Variants in SLC9A1 observed in about 807,000 individuals in gnomAD.
The protein encoded by SLC9A1 is solute carrier family 9 member A1.
Under a neutral mutation model 67.9 loss-of-function variants are expected in SLC9A1, and 22 were observed. That is an observed-to-expected ratio of 0.32 (90% CI 0.23 to 0.46). The LOEUF (loss-of-function observed/expected upper bound fraction) is 0.46, where lower values mean the gene tolerates loss of function less well. Ranked by LOEUF, SLC9A1 falls within the 20% of genes least tolerant of loss-of-function variation. SLC9A1 has a pLI of 1.00. For synonymous variants in SLC9A1, 421 were observed against 471.8 expected (o/e 0.89, Z 1.40); for missense variants, 686 against 1,094.8 (o/e 0.63, Z 5.27).
chr1:27,139,299 T>C (rs1324448912), intron 1 of SLC9A1, among the ~76,000 whole-genome samples: 1 of 152,180 alleles, frequency 6.6e-6, no homozygotes, highest in African/African-American at 2.4e-5. Context: ...CTCTGCTCCA[T>C]GTTCATTCCA....
At chr1:27,145,721 A>G (rs529285735) in intron 1 of SLC9A1, among the ~76,000 whole-genome samples, 4 of 152,290 alleles carry the variant, frequency 2.6e-5, no homozygotes, top group African/African-American at 9.6e-5. Context: ...GCTTAAGGAC[A>G]TATCTTTTCA....
chr1:27,139,848 A>C (rs1380670509), intron 1 of SLC9A1, among the ~76,000 whole-genome samples: 1 of 149,846 alleles, frequency 6.7e-6, no homozygotes, highest in Non-Finnish European at 1.5e-5. Flanking sequence ...GCTAGAGTGC[A>C]GTGAGGCGAT....
intron 1 of SLC9A1, among the ~76,000 whole-genome samples, chr1:27,125,839 C>A (rs1474591387): frequency 1.3e-5 from 2 of 152,056 alleles, no homozygotes; most frequent in Admixed American, 1.3e-4. Flanking sequence ...GATCCGCCCA[C>A]CTCAGCCTCC....
intron 1 of SLC9A1, among the ~76,000 whole-genome samples, chr1:27,119,779 G>A (rs1455637883): frequency 6.6e-6 from 1 of 152,158 alleles, no homozygotes; most frequent in East Asian, 1.9e-4. Flanking sequence ...ATTATCCCTG[G>A]CTTTATTCTT....
intron 1 of SLC9A1, among the ~76,000 whole-genome samples, chr1:27,147,796 A>C (rs944122572): frequency 5.3e-5 from 8 of 152,184 alleles, no homozygotes; most frequent in Admixed American, 2.0e-4. Context: ...GGAGTTCAAG[A>C]CAAGCCTGAC....
chr1:27,135,737 A>G (rs2083416623), intron 1 of SLC9A1, among the ~76,000 whole-genome samples: 1 of 152,204 alleles, frequency 6.6e-6, no homozygotes, highest in Non-Finnish European at 1.5e-5. Flanking sequence ...GAGTGAGCCA[A>G]CTGTGGTGTA....
In SLC9A1 at chr1:27,154,120, C is replaced by T. The variant is rs774339074; in HGVS notation, c.215G>A (p.Arg72His). 4.3e-6 allele frequency: 7 copies of T among 1,614,062 alleles called. No homozygotes were observed. The Admixed American group carries it at 1.0e-4, about 23-fold the overall frequency. ...TAPPEVTPES[R>H]PVNHSVTDHG... ...ATCAGTGACGGAATGATTAACAGGGCGGCTCTCTGGGGTGACCTCCGGTGG... is the reference window on the plus strand; with the variant it reads ...ATCAGTGACGGAATGATTAACAGGGTGGCTCTCTGGGGTGACCTCCGGTGG... The change falls in exon 1 of 12, where the codon CGC becomes CAC. Residue 72 changes from arginine (R) to histidine (H), a missense_variant. Arg to His is a conservative substitution (Grantham distance 29, BLOSUM62 0). Coordinates refer to ENST00000263980, the MANE Select transcript of SLC9A1 (RefSeq NM_003047.5).
chr1:27,105,859 G>A (rs961790069), intron 5 of SLC9A1, 26 bp downstream of exon 5: 1 of 1,605,094 alleles, frequency 6.2e-7, no homozygotes, highest in African/African-American at 1.3e-5. Flanking sequence ...CCCAAGGCAA[G>A]GGCCTGCCCT....
At chr1:27,115,260 C>A (rs544514394) in intron 1 of SLC9A1, among the ~76,000 whole-genome samples, 10 of 152,154 alleles carry the variant, frequency 6.6e-5, no homozygotes, top group Admixed American at 4.6e-4. Flanking sequence ...CGTGTCCTGG[C>A]CAGCAACAGG....
In SLC9A1 at chr1:27,118,596, C is replaced by T. The variant is rs370285470; in HGVS notation, c.353-4310G>A. Among the ~76,000 whole-genome samples the T allele has an allele frequency of 1.0e-3, 154 of 152,278 alleles. 1 individual carries two copies. The highest frequency in any genetic ancestry group is 3.3e-3 in the African/African-American group (138 of 41,562). ...CCCTGACAAAAGCCCTGCATGGAGG[C>T]AAGATCCCAGGATGCCAAGAGATGA... On this transcript the variant is annotated intron_variant, in intron 1 of 11. Coordinates refer to ENST00000263980, the MANE Select transcript of SLC9A1 (RefSeq NM_003047.5). The surrounding 1 kb of genome is among the most constrained non-coding windows in gnomAD (Gnocchi z 4.3).
intron 1 of SLC9A1, among the ~76,000 whole-genome samples, chr1:27,117,631 G>A (rs2083280167): frequency 6.6e-6 from 1 of 152,138 alleles, no homozygotes. Context: ...TCAGGTCTGA[G>A]GGCGTCCCAT....
rs542198425 is a variant in SLC9A1 at position 27,101,991 on chromosome 1, G to A, written c.1935+25C>T. The A allele has an allele frequency of 9.6e-6, 15 of 1,566,214 alleles. 1 individual carries two copies. Among genetic ancestry groups the A allele is most frequent in the African/African-American group, 4.1e-5 (3 of 74,060 alleles). ...GCTGAAGGGCTCCTGTACCCTGGGG[G>A]TCGGGCTGGGGAGCAGGCCCTCACC... is the stretch of plus-strand genomic sequence containing the variant. On this transcript the variant is annotated intron_variant, in intron 9 of 11. Coordinates refer to ENST00000263980, the MANE Select transcript of SLC9A1 (RefSeq NM_003047.5). The surrounding 1 kb of genome is among the most constrained non-coding windows in gnomAD (Gnocchi z 4.9).
rs774129278 is a variant in SLC9A1 at position 27,100,648 on chromosome 1, G to C, written c.2111-4C>G. On this transcript the variant is annotated splice_region_variant and splice_polypyrimidine_tract_variant and intron_variant, in intron 11 of 11. Coordinates refer to ENST00000263980, the MANE Select transcript of SLC9A1 (RefSeq NM_003047.5). This position sits in a 1 kb window ranked among gnomAD's most constrained non-coding sequence, Gnocchi z 5.6. Reference sequence around the variant, plus strand: ...TTCGGCTCATAGGCCAGTGGGTCTGGGGACCAAGAGCAAGGCACAAGCTGG... The same window carrying C: ...TTCGGCTCATAGGCCAGTGGGTCTGCGGACCAAGAGCAAGGCACAAGCTGG... 4 of 1,596,464 alleles carry C rather than the reference G, an allele frequency of 2.5e-6. No individual in the cohort carries two copies. The highest frequency in any genetic ancestry group is 1.1e-5 in the South Asian group (1 of 88,258).
chr1:27,118,903 AGT>A lies in SLC9A1; in HGVS notation c.353-4619_353-4618del, dbSNP rs1440334278. 6.6e-6 allele frequency among the ~76,000 whole-genome samples: 1 copy of A among 152,144 alleles called. No individual in the cohort carries two copies. The highest frequency in any genetic ancestry group is 2.4e-5 in the African/African-American group (1 of 41,428). ...TCCTCCCAGAACAAGGAGGCACGAA[AGT>A]GTGGAATTCAACATCTCCAAGCACA... On this transcript the variant is annotated intron_variant, in intron 1 of 11. Coordinates refer to ENST00000263980, the MANE Select transcript of SLC9A1 (RefSeq NM_003047.5). The surrounding 1 kb of genome is among the most constrained non-coding windows in gnomAD (Gnocchi z 4.3).
intron 1 of SLC9A1, among the ~76,000 whole-genome samples, chr1:27,121,189 A>G (rs1170594347): frequency 6.6e-6 from 1 of 152,058 alleles, no homozygotes; most frequent in African/African-American, 2.4e-5. Context: ...GCTTGTTTCA[A>G]TCCACATTTC....
At chr1:27,153,395 C>G (rs1269582648) in intron 1 of SLC9A1, among the ~76,000 whole-genome samples, 5 of 152,126 alleles carry the variant, frequency 3.3e-5, no homozygotes, top group Non-Finnish European at 5.9e-5. Context: ...CTAGCCTGGA[C>G]AAGCAAAGCT....
At chr1:27,102,595 T>C (rs1389931185) in intron 7 of SLC9A1, 37 bp from the exon 8 acceptor site, 8 of 1,610,894 alleles carry the variant, frequency 5.0e-6, no homozygotes, top group Admixed American at 1.7e-5. Context: ...GGCGCCAGCT[T>C]CCAGGAGTGG....
chr1:27,101,813 T>C lies in SLC9A1; in HGVS notation c.1949A>G (p.Asn650Ser). ...GGGGTCTGCCACCAGCGTGTGTCTG[T>C]TGTAGGACCGCAGCTGTGGGAGGGA... ...QKTRQRLRSY[N>S]RHTLVADPYE... Residue 650 changes from asparagine to serine, a missense_variant, in exon 10 of 12, where the codon AAC (asparagine) becomes AGC (serine). Around this residue, in one of 7 missense-constraint regions of SLC9A1, gnomAD observed 226 missense variants for 282.4 expected, o/e 0.80. Coordinates refer to ENST00000263980, the MANE Select transcript of SLC9A1 (RefSeq NM_003047.5). The surrounding 1 kb of genome is among the most constrained non-coding windows in gnomAD (Gnocchi z 4.9). The C allele has an allele frequency of 6.2e-7, 1 of 1,611,994 alleles. No individual in the cohort carries two copies. Among genetic ancestry groups the C allele is most frequent in the Non-Finnish European group, 8.5e-7 (1 of 1,179,574 alleles).
At chr1:27,142,372 T>A (rs1049250980) in intron 1 of SLC9A1, among the ~76,000 whole-genome samples, 1 of 152,242 alleles carries the variant, frequency 6.6e-6, no homozygotes, top group African/African-American at 2.4e-5. Context: ...GCCTGGGGGT[T>A]ACAAGCTATG....
Sources: gnomAD v4.1 joint callset for allele counts (sites outside exome capture counted in the v4.1 genomes callset) on GRCh38, gnomAD v4.1.1 for gene constraint, gnomAD v4.1.1 regional missense constraint, Gnocchi (gnomAD v3.1) non-coding constraint, MANE v1.5 for transcripts, NCBI Gene and HGNC (gene_info 2026-07-23, HGNC 2026-07-21) for gene names.